The following RBBP4 variants were observed in gnomAD, a reference collection of about 807,000 sequenced individuals.
The protein encoded by RBBP4 is RB binding protein 4, chromatin remodeling factor.
RBBP4 carries 3 observed loss-of-function variants against 57.2 expected under a neutral mutation model. The ratio of observed to expected loss-of-function variants is 0.05; its 90% CI spans 0.02 to 0.14. RBBP4 has a LOEUF of 0.14. Ranked by LOEUF, RBBP4 falls within the 10% of genes least tolerant of loss-of-function variation. The probability of loss-of-function intolerance (pLI) is 1.00; values close to 1 mark genes in which losing one functional copy is unlikely to be tolerated. For missense variants in RBBP4, 107 were observed against 520.6 expected, an observed-to-expected ratio of 0.21 and a Z score of 7.73; for synonymous variants, 151 against 171.5, an observed-to-expected ratio of 0.88 and a Z score of 0.93.
rs1648787753 is a variant in RBBP4, at chr1:32,669,641, A to G, written c.966+78A>G. ...CGCGGTCGCTCACGCCTGTAATCCC[A>G]GCACTTTGGGAGGCTGAAGCGGGCG... is the stretch of plus-strand genomic sequence containing the variant. On this transcript the variant is annotated intron_variant, in intron 8 of 11. Coordinates refer to ENST00000373493, the MANE Select transcript of RBBP4 (RefSeq NM_005610.3). This position sits in a 1 kb window ranked among gnomAD's most constrained non-coding sequence, Gnocchi z 4.9. 3 of 1,512,726 alleles carry G rather than the reference A, an allele frequency of 2.0e-6. No individual in the cohort carries two copies. Among genetic ancestry groups the G allele is most frequent in the African/African-American group, 1.4e-5 (1 of 71,488 alleles). 93.7% of individuals were successfully genotyped at this position (1,512,726 alleles called of 1,614,324 possible).
intron 3 of RBBP4, among the ~76,000 whole-genome samples, chr1:32,662,874 C>T (rs1648484906): frequency 6.6e-6 from 1 of 151,914 alleles, no homozygotes; most frequent in Non-Finnish European, 1.5e-5. Context: ...GTCCCAGCTA[C>T]TTGGAAGGCT....
intron 3 of RBBP4, among the ~76,000 whole-genome samples, chr1:32,659,899 CT>C (rs1435176347): frequency 2.0e-5 from 3 of 152,104 alleles, no homozygotes; most frequent in Non-Finnish European, 4.4e-5. Context: ...TATAGAAATA[CT>C]TTCTAAGTAG....
chr1:32,659,641 G>A (rs1295115777), intron 3 of RBBP4, among the ~76,000 whole-genome samples: 3 of 152,078 alleles, frequency 2.0e-5, no homozygotes, highest in Non-Finnish European at 4.4e-5. Flanking sequence ...TTTTCTGAAG[G>A]ATTTATCCTG....
rs1649655564 is a variant in RBBP4, at chr1:32,684,244, C to A, written c.*4539C>A. The stretch of plus-strand genomic sequence containing the variant: ...CCAGTATTAGATGAGATTTGTATAG[C>A]AGCAGAAACTGACTTATAAGTAGAG... On this transcript the variant is annotated 3_prime_UTR_variant, in exon 12 of 12. Coordinates refer to ENST00000373493, the MANE Select transcript of RBBP4 (RefSeq NM_005610.3). 6.2e-7 allele frequency: 1 copy of A among 1,614,018 alleles called. No individual in the cohort carries two copies. The highest frequency in any genetic ancestry group is 1.1e-5 in the South Asian group (1 of 91,084).
chr1:32,659,218 A>G (rs983391511), intron 3 of RBBP4, among the ~76,000 whole-genome samples: 5 of 150,942 alleles, frequency 3.3e-5, no homozygotes, highest in Admixed American at 3.3e-4. Flanking sequence ...TTACATATAT[A>G]TGTAATTTTA....
chr1:32,679,610 G>A, intron 11 of RBBP4, 30 bp from the exon 12 acceptor site: 1 of 1,547,222 alleles, frequency 6.5e-7, no homozygotes, highest in Non-Finnish European at 8.7e-7. Context: ...AAGTCTTCAT[G>A]TTTAAATTCT....
At position 32,651,285 on chromosome 1, in the gene RBBP4, T is replaced by TCC; in HGVS notation, c.-18_-17dup. On this transcript the variant is annotated 5_prime_UTR_variant, in exon 1 of 12. Coordinates refer to ENST00000373493, the MANE Select transcript of RBBP4 (RefSeq NM_005610.3). ...CTCCCGCAACGCTCGACCCCAGGAT[T>TCC]CCCCCGGCTCGCCTGCCCGCCATGG... 6.7e-7 allele frequency: 1 copy of TCC among 1,485,842 alleles called. No individual in the cohort carries two copies. The highest frequency in any genetic ancestry group is 8.9e-7 in the Non-Finnish European group (1 of 1,118,658). The allele number at this position is 1,485,842 out of a possible 1,614,324, so 92.0% of individuals were successfully genotyped here. A position where few individuals can be genotyped will look rare whatever the true frequency, so the allele number is the denominator to read the frequency against.
rs746399494 is a variant in RBBP4 at position 32,668,334 on chromosome 1, C to T, written c.420C>T (p.Ile140=). The T allele has an allele frequency of 2.0e-5, 32 of 1,609,746 alleles. No homozygotes were observed. The highest frequency in any genetic ancestry group is 2.6e-5 in the Non-Finnish European group (30 of 1,176,108). The change falls in exon 4 of 12, where the codon ATC becomes ATT. Residue 140 remains isoleucine (I), a synonymous_variant. Transcript: ENST00000373493. ...ARYMPQNPCI[I]ATKTPSSDVL... ...ATATGCCCCAGAACCCTTGTATCATCGCAACAAAGACTCCTTCCAGTGATG... is the reference window on the plus strand; with the variant it reads ...ATATGCCCCAGAACCCTTGTATCATTGCAACAAAGACTCCTTCCAGTGATG...
rs751205227 is a variant in RBBP4 at position 32,657,395 on chromosome 1, A to C, written c.165-32A>C. ...ACTTCGCCGTCTCCTGATGTTACTAATTTGAACAGTGACTATATATTGCCG... is the reference window on the plus strand; with the variant it reads ...ACTTCGCCGTCTCCTGATGTTACTACTTTGAACAGTGACTATATATTGCCG... On this transcript the variant is annotated intron_variant, in intron 2 of 11. Coordinates refer to ENST00000373493, the MANE Select transcript of RBBP4 (RefSeq NM_005610.3). 4 of 1,598,266 alleles carry C rather than the reference A, an allele frequency of 2.5e-6. No individual in the cohort carries two copies. In the Admixed American group the frequency reaches 6.8e-5, roughly 27 times the overall value.
At position 32,669,430 on chromosome 1, in the gene RBBP4, C is replaced by A. The variant is rs1570859068; in HGVS notation, c.889-56C>A. 6 of 1,566,340 alleles carry A rather than the reference C, an allele frequency of 3.8e-6. No homozygotes were observed. Among genetic ancestry groups the A allele is most frequent in the South Asian group, 3.6e-5 (3 of 82,888 alleles). On this transcript the variant is annotated intron_variant, in intron 7 of 11. Coordinates refer to ENST00000373493, the MANE Select transcript of RBBP4 (RefSeq NM_005610.3). The surrounding 1 kb of genome is among the most constrained non-coding windows in gnomAD (Gnocchi z 4.9). ...TTGAATTGCAGAGATATTTTACTTA[C>A]AGTATTTTTTTTTTCTTAAAAAATT...
At chr1:32,664,885 TTACAC>T (rs1648578325) in intron 3 of RBBP4, among the ~76,000 whole-genome samples, 1 of 152,206 alleles carries the variant, frequency 6.6e-6, no homozygotes, top group Non-Finnish European at 1.5e-5. Flanking sequence ...TTTTGTATGT[TTACAC>T]TATACTATAG....
In RBBP4 at chr1:32,669,095, C is replaced by T; in HGVS notation, c.724C>T (p.Leu242=). 6.2e-7 allele frequency: 1 copy of T among 1,614,178 alleles called. No individual in the cohort carries two copies. Among genetic ancestry groups the T allele is most frequent in the African/African-American group, 1.3e-5 (1 of 75,040 alleles). The change falls in exon 6 of 12, where the codon CTG becomes TTG. Residue 242 remains leucine (L), a synonymous_variant. Transcript: ENST00000373493. The surrounding 1 kb of genome is among the most constrained non-coding windows in gnomAD (Gnocchi z 4.9). ...DVSWHLLHES[L]FGSVADDQKL... ...TTCCTGGCATCTACTCCATGAGTCT[C>T]TGTTTGGGTCAGTTGCTGATGATCA...
In RBBP4 at chr1:32,683,690, G is replaced by A. The variant is rs1014640842; in HGVS notation, c.*3985G>A. The A allele has an allele frequency of 3.8e-6, 1 of 264,148 alleles. No homozygotes were observed. The highest frequency in any genetic ancestry group is 7.4e-6 in the Non-Finnish European group (1 of 135,344). 16.4% of individuals were successfully genotyped at this position (264,148 alleles called of 1,614,324 possible). A position where few individuals can be genotyped will look rare whatever the true frequency, so the allele number is the denominator to read the frequency against. On this transcript the variant is annotated 3_prime_UTR_variant, in exon 12 of 12. Transcript: ENST00000373493. ...ACTCTGTTGTACAAGCTGGAGTGCT[G>A]TATTGTGATCTTGACTCACTGCAAC...
In RBBP4 at chr1:32,681,972, T is replaced by C. The variant is rs563297663; in HGVS notation, c.*2267T>C. 5 of 946,614 alleles carry C rather than the reference T, an allele frequency of 5.3e-6. No homozygotes were observed. The East Asian group carries it at 7.4e-5, about 14-fold the overall frequency. The allele number at this position is 946,614 out of a possible 1,614,324, so 58.6% of individuals were successfully genotyped here. On this transcript the variant is annotated 3_prime_UTR_variant, in exon 12 of 12. Transcript: ENST00000373493. The stretch of plus-strand genomic sequence containing the variant: ...TGATTTATGGATGATCAGGGATGAC[T>C]TTCCCCTAGCAAATATTTGGATGCC...
At chr1:32,674,327 G>C (rs370015004) in intron 11 of RBBP4, among the ~76,000 whole-genome samples, 1 of 152,054 alleles carries the variant, frequency 6.6e-6, no homozygotes, top group East Asian at 1.9e-4. Context: ...TCCAATTCCC[G>C]GGCTCAAGAC....
Position 32,679,900 on chromosome 1 carries a change from C to T in RBBP4, c.*195C>T. On this transcript the variant is annotated 3_prime_UTR_variant, in exon 12 of 12. Coordinates refer to ENST00000373493, the MANE Select transcript of RBBP4 (RefSeq NM_005610.3). ...GGGCTTGATTCAACAAAGCCACAGA[C>T]TTAACGTTGAAATTTTCTTCAGGAA... The T allele has an allele frequency of 7.7e-7, 1 of 1,294,782 alleles. No homozygotes were observed. Among genetic ancestry groups the T allele is most frequent in the Non-Finnish European group, 9.8e-7 (1 of 1,025,224 alleles). The allele number at this position is 1,294,782 out of a possible 1,614,324, so 80.2% of individuals were successfully genotyped here.
rs1443170732 is a variant in RBBP4, at chr1:32,675,637, C to T, written c.1212+2736C>T. On this transcript the variant is annotated intron_variant, in intron 11 of 11. Coordinates refer to ENST00000373493, the MANE Select transcript of RBBP4 (RefSeq NM_005610.3). Reference sequence around the variant, plus strand: ...ACAAAAAATTAGCCGGGCGTGGTGGCGGGCGCCTGTAGTCCCAGCTACTCG... The same window carrying T: ...ACAAAAAATTAGCCGGGCGTGGTGGTGGGCGCCTGTAGTCCCAGCTACTCG... 5.9e-5 allele frequency among the ~76,000 whole-genome samples: 9 copies of T among 151,794 alleles called. No individual in the cohort carries two copies. In the East Asian group the frequency reaches 1.6e-3, roughly 27 times the overall value.
intron 11 of RBBP4, among the ~76,000 whole-genome samples, chr1:32,675,948 T>G (rs1183159348): frequency 6.8e-6 from 1 of 146,630 alleles, no homozygotes; most frequent in Non-Finnish European, 1.5e-5. Context: ...TTAGCCAGGC[T>G]TGGTGGTACG....
Position 32,681,746 on chromosome 1 carries a change from C to T in RBBP4, c.*2041C>T. On this transcript the variant is annotated 3_prime_UTR_variant, in exon 12 of 12. Coordinates refer to ENST00000373493, the MANE Select transcript of RBBP4 (RefSeq NM_005610.3). ...ACAGGATGAATTGCTTGCCAAGTTT[C>T]TGGCACTCTTGTCTGGTTGGAAGAG... 1 of 1,586,544 alleles carries T rather than the reference C, an allele frequency of 6.3e-7. No individual in the cohort carries two copies. The highest frequency in any genetic ancestry group is 8.6e-7 in the Non-Finnish European group (1 of 1,157,116).
Sources: allele counts gnomAD v4.1 joint callset (sites outside exome capture counted in the v4.1 genomes callset), GRCh38; gene constraint gnomAD v4.1.1; non-coding constraint Gnocchi (gnomAD v3.1); transcripts MANE v1.5; gene names NCBI Gene and HGNC (gene_info 2026-07-23, HGNC 2026-07-21).